The following EBF2 variants were observed in gnomAD, a reference collection of about 807,000 sequenced individuals.
EBF2 encodes the protein transcription factor COE2.
A neutral mutation model predicts 72.8 loss-of-function variants in EBF2; 21 were observed. That is an observed-to-expected ratio of 0.29 (90% CI 0.20 to 0.42). The LOEUF (loss-of-function observed/expected upper bound fraction) is 0.42. Ranked by LOEUF, EBF2 falls within the 10% of genes least tolerant of loss-of-function variation. The pLI is 1.00. For synonymous variants in EBF2, 299 were observed against 274.2 expected (o/e 1.09, Z -0.89); for missense variants, 637 against 731.2 (o/e 0.87, Z 1.49).
chr8:26,009,034 A>G (rs1804932382), intron 6 of EBF2, among the ~76,000 whole-genome samples: 2 of 149,206 alleles, frequency 1.3e-5, no homozygotes, highest in Middle Eastern at 3.4e-3. Flanking sequence ...TATCCTCAGA[A>G]GTCCCAGGAG....
intron 6 of EBF2, among the ~76,000 whole-genome samples, chr8:25,923,966 T>G (rs572029647): frequency 6.8e-4 from 104 of 152,320 alleles, no homozygotes; most frequent in African/African-American, 2.1e-3. Context: ...AAAGTGAAGA[T>G]AAATGTCATC....
intron 15 of EBF2, among the ~76,000 whole-genome samples, chr8:25,849,458 G>T (rs937725556): frequency 1.3e-5 from 2 of 152,164 alleles, no homozygotes; most frequent in Non-Finnish European, 2.9e-5. Context: ...CCCATCCAAG[G>T]TTCCCCATCA....
At chr8:25,949,767 T>G (rs1454284859) in intron 6 of EBF2, among the ~76,000 whole-genome samples, 1 of 152,022 alleles carries the variant, frequency 6.6e-6, no homozygotes, top group Non-Finnish European at 1.5e-5. Context: ...GAGAGACAGG[T>G]GCCCTGAAAA....
At chr8:26,042,448 G>C (rs556123693) in intron 1 of EBF2, among the ~76,000 whole-genome samples, 197 bp from the exon 2 acceptor site, 62 of 152,270 alleles carry the variant, frequency 4.1e-4, no homozygotes, top group African/African-American at 1.5e-3. Flanking sequence ...ACGGGGGTTG[G>C]GTGGCAGGGT....
At chr8:25,954,992 G>A (rs1002989533) in intron 6 of EBF2, among the ~76,000 whole-genome samples, 2 of 152,226 alleles carry the variant, frequency 1.3e-5, no homozygotes, top group Non-Finnish European at 2.9e-5. Flanking sequence ...AGCGCGCCAG[G>A]TTGTGCAGCC....
rs1805435037 is a variant in EBF2 at position 26,033,040 on chromosome 8, A to G, written c.551+45T>C. ...CAGTACTCAGAGTTGAGGTTCATGA[A>G]GAAAAGGAACCAAAAATGATTGAAA... On this transcript the variant is annotated intron_variant, in intron 6 of 15. Coordinates refer to ENST00000520164, the MANE Select transcript of EBF2 (RefSeq NM_022659.4). 4 of 1,573,384 alleles carry G rather than the reference A, an allele frequency of 2.5e-6. No homozygotes were observed. The African/African-American group carries it at 4.1e-5, about 16-fold the overall frequency.
intron 6 of EBF2, among the ~76,000 whole-genome samples, chr8:25,988,908 T>C (rs1804501985): frequency 1.3e-5 from 2 of 152,246 alleles, no homozygotes; most frequent in Non-Finnish European, 2.9e-5. Context: ...AAAACTATGT[T>C]CGTTCTGCAA....
intron 6 of EBF2, among the ~76,000 whole-genome samples, chr8:26,010,936 T>G (rs1476629147): frequency 6.6e-6 from 1 of 152,040 alleles, no homozygotes; most frequent in Non-Finnish European, 1.5e-5. Flanking sequence ...TCCATAAACA[T>G]TATTATTTAA....
intron 6 of EBF2, among the ~76,000 whole-genome samples, chr8:26,001,372 T>C (rs1280794062): frequency 6.6e-6 from 1 of 152,186 alleles, no homozygotes; most frequent in Non-Finnish European, 1.5e-5. Context: ...AATGGATACT[T>C]GGAAGAGATC....
intron 6 of EBF2, among the ~76,000 whole-genome samples, chr8:25,938,935 A>T (rs544440706): frequency 9.9e-5 from 15 of 152,174 alleles, no homozygotes; most frequent in African/African-American, 3.4e-4. Flanking sequence ...GGAGTCAAGG[A>T]CTGTTGCTCT....
At chr8:25,908,212 C>T (rs919532376) in intron 7 of EBF2, among the ~76,000 whole-genome samples, 25 of 152,108 alleles carry the variant, frequency 1.6e-4, no homozygotes, top group Non-Finnish European at 5.9e-5. Context: ...AGTGGGCAGC[C>T]CGAGGGCTGA....
At chr8:26,034,678 A>G (rs897088141) in intron 5 of EBF2, among the ~76,000 whole-genome samples, 1 of 152,226 alleles carries the variant, frequency 6.6e-6, no homozygotes, top group African/African-American at 2.4e-5. Flanking sequence ...TCTCAGGTAC[A>G]TGGTCCACTA....
intron 6 of EBF2, among the ~76,000 whole-genome samples, chr8:25,971,451 C>T (rs995965140): frequency 6.6e-6 from 1 of 152,070 alleles, no homozygotes. Context: ...CAGACCCCGC[C>T]CCCGAAAAAA....
intron 10 of EBF2, among the ~76,000 whole-genome samples, chr8:25,883,269 G>T (rs538106057): frequency 2.0e-5 from 3 of 152,112 alleles, no homozygotes; most frequent in South Asian, 4.1e-4. Context: ...TTCCTATTTC[G>T]CTTCAAAAAT....
intron 6 of EBF2, among the ~76,000 whole-genome samples, chr8:25,957,333 A>G (rs1018386299): frequency 7.2e-5 from 11 of 152,236 alleles, no homozygotes; most frequent in African/African-American, 2.2e-4. Context: ...AAAGGCTCTA[A>G]AATACACTGG....
chr8:25,961,163 T>C (rs777743147), intron 6 of EBF2, among the ~76,000 whole-genome samples: 2 of 152,150 alleles, frequency 1.3e-5, no homozygotes, highest in Non-Finnish European at 2.9e-5. Flanking sequence ...AGACAGTGTG[T>C]GAAACAAGCT....
At position 26,042,247 on chromosome 8, in the gene EBF2, C is replaced by A; in HGVS notation, c.136G>T (p.Val46Phe). Residue 46 changes from valine to phenylalanine, a missense_variant, in exon 2 of 16, where the codon GTC (valine) becomes TTC (phenylalanine). Val to Phe is a conservative substitution (Grantham distance 50). Transcript: ENST00000520164. ...VDANVAAQSG[V>F]ALSRAHFEKQ... ...TCAAAGTGGGCCCGGGACAGGGCGA[C>A]CCCGCTGCACAGGGAGAAAAACGGG... The A allele has an allele frequency of 1.9e-6, 3 of 1,612,636 alleles. No individual in the cohort carries two copies. Among genetic ancestry groups the A allele is most frequent in the Non-Finnish European group, 2.5e-6 (3 of 1,179,248 alleles).
intron 6 of EBF2, among the ~76,000 whole-genome samples, chr8:26,020,697 T>C (rs1274321848): frequency 6.6e-6 from 1 of 152,248 alleles, no homozygotes; most frequent in East Asian, 1.9e-4. Context: ...TGGGGTTAAC[T>C]TTGCTGTCCC....
chr8:25,931,666 T>C (rs1471299475), intron 6 of EBF2, among the ~76,000 whole-genome samples: 2 of 152,196 alleles, frequency 1.3e-5, no homozygotes, highest in Non-Finnish European at 2.9e-5. Flanking sequence ...TAATAAACAG[T>C]GATGGATGGT....
Sources: gnomAD v4.1 joint callset for allele counts (sites outside exome capture counted in the v4.1 genomes callset) on GRCh38, gnomAD v4.1.1 for gene constraint, MANE v1.5 for transcripts, NCBI Gene and HGNC (gene_info 2026-07-23, HGNC 2026-07-21) for gene names.